Variants in LARGE1 observed in about 807,000 individuals in gnomAD.
LARGE1 encodes xylosyl- and glucuronyltransferase LARGE1.
LARGE1 carries 43 observed loss-of-function variants against 87.6 expected under a neutral mutation model. That is an observed-to-expected ratio of 0.49 (90% CI 0.38 to 0.63). The LOEUF is 0.63. LARGE1 is among the 30% of genes least tolerant of loss of function. LARGE1 has a pLI of 0.00. For missense variants in LARGE1, 802 were observed against 1,000.2 expected (o/e 0.80, Z 2.67); for synonymous variants, 434 against 394.6 (o/e 1.10, Z -1.18).
intron 6 of LARGE1, among the ~76,000 whole-genome samples, chr22:33,445,414 G>C (rs2067646175): frequency 6.6e-6 from 1 of 152,156 alleles, no homozygotes; most frequent in South Asian, 2.1e-4. Flanking sequence ...TAGCCAAAAA[G>C]GTTGCTGATG....
At chr22:33,464,803 A>G (rs1431844742) in intron 6 of LARGE1, among the ~76,000 whole-genome samples, 1 of 152,134 alleles carries the variant, frequency 6.6e-6, no homozygotes, top group Non-Finnish European at 1.5e-5. Flanking sequence ...GCAGTCACTA[A>G]TAAAGTTGAC....
At chr22:33,095,932 T>A in the LARGE1 span, among the ~76,000 whole-genome samples, 1 of 152,068 alleles carries the variant, frequency 6.6e-6, no homozygotes, top group South Asian at 2.1e-4. Context: ...TAGCAGTGAG[T>A]TTTGGAGTAC....
intron 1 of LARGE1, among the ~76,000 whole-genome samples, chr22:33,835,181 G>GTTCAAGGT (rs2063077085): frequency 6.6e-6 from 1 of 152,238 alleles, no homozygotes; most frequent in Non-Finnish European, 1.5e-5. Flanking sequence ...ATTATTACAT[G>GTTCAAGGT]TTCATAAGGG....
chr22:33,708,495 C>T (rs540876602), intron 2 of LARGE1, among the ~76,000 whole-genome samples: 54 of 152,240 alleles, frequency 3.5e-4, no homozygotes, highest in Non-Finnish European at 6.0e-4. Flanking sequence ...GTTGCTAGGG[C>T]GGCCCTAACA....
intron 12 of LARGE1, among the ~76,000 whole-genome samples, chr22:33,297,174 T>C (rs1933399911): frequency 6.6e-6 from 1 of 152,136 alleles, no homozygotes. Flanking sequence ...AACAAGTATT[T>C]ATAGAACAGC....
chr22:33,249,629 TA>T (rs1485345925), intron 11 of LARGE1, among the ~76,000 whole-genome samples: 1 of 152,196 alleles, frequency 6.6e-6, no homozygotes, highest in Non-Finnish European at 1.5e-5. Flanking sequence ...CAAGATCATC[TA>T]GGTTTTCTCC....
At chr22:33,289,512 T>C (rs1932151091) in intron 12 of LARGE1, among the ~76,000 whole-genome samples, 1 of 152,152 alleles carries the variant, frequency 6.6e-6, no homozygotes, top group Non-Finnish European at 1.5e-5. Context: ...TAGAATTAAC[T>C]CATTAACAAA....
intron 2 of LARGE1, among the ~76,000 whole-genome samples, chr22:33,699,675 A>AATAAATAAATAAATAAAATAT (rs2082350468): frequency 7.2e-5 from 11 of 152,244 alleles, no homozygotes; most frequent in African/African-American, 2.2e-4. Flanking sequence ...GTGTAGGCAT[A>AATAAATAAATAAATAAAATAT]GCAATAAAAT....
intron 3 of LARGE1, among the ~76,000 whole-genome samples, chr22:33,644,980 G>C: frequency 6.6e-6 from 1 of 152,166 alleles, no homozygotes. Context: ...TGGCCATACT[G>C]CCCGAAGTAA....
intron 4 of LARGE1, among the ~76,000 whole-genome samples, chr22:33,607,095 G>C (rs1045529559): frequency 2.0e-5 from 3 of 152,170 alleles, no homozygotes; most frequent in Non-Finnish European, 2.9e-5. Flanking sequence ...ATAGATGGGA[G>C]ATGAGGGGAA....
chr22:33,779,757 G>T (rs2085357849), intron 1 of LARGE1, among the ~76,000 whole-genome samples: 1 of 140,536 alleles, frequency 7.1e-6, no homozygotes, highest in African/African-American at 2.5e-5. Flanking sequence ...CTGCAGTCTG[G>T]CCTGGGCAAC....
intron 11 of LARGE1, among the ~76,000 whole-genome samples, chr22:33,235,395 T>C (rs1926202969): frequency 6.6e-6 from 1 of 152,208 alleles, no homozygotes; most frequent in Admixed American, 6.5e-5. Context: ...GCTGTCCATG[T>C]GAATGCTTGA....
At chr22:33,398,452 A>C (rs1163852822) in intron 7 of LARGE1, among the ~76,000 whole-genome samples, 1 of 152,196 alleles carries the variant, frequency 6.6e-6, no homozygotes, top group Non-Finnish European at 1.5e-5. Flanking sequence ...GTTTAAGCTC[A>C]TCTCAGCTTT....
At chr22:33,115,003 G>C in the LARGE1 span, among the ~76,000 whole-genome samples, 1 of 152,098 alleles carries the variant, frequency 6.6e-6, no homozygotes, top group African/African-American at 2.4e-5. Context: ...TCTATGTGAA[G>C]GGTCTTGGTG....
At chr22:33,534,033 G>A (rs868391110) in intron 6 of LARGE1, among the ~76,000 whole-genome samples, 2 of 151,582 alleles carry the variant, frequency 1.3e-5, no homozygotes, top group Admixed American at 1.3e-4. Context: ...TTCATAATGC[G>A]GATGAGTGAG....
chr22:33,442,511 G>T (rs57742722), intron 6 of LARGE1, among the ~76,000 whole-genome samples: 1 of 152,132 alleles, frequency 6.6e-6, no homozygotes, highest in African/African-American at 2.4e-5. Flanking sequence ...CTGAAAGGGG[G>T]TGGTCACCTA....
chr22:33,298,685 G>C (rs910425593), intron 12 of LARGE1, among the ~76,000 whole-genome samples: 34 of 152,182 alleles, frequency 2.2e-4, no homozygotes, highest in African/African-American at 7.9e-4. Context: ...TAAAAAATTA[G>C]CTGGGCAAGG....
the LARGE1 span, among the ~76,000 whole-genome samples, chr22:33,087,248 T>A: frequency 6.6e-6 from 1 of 151,866 alleles, no homozygotes; most frequent in Non-Finnish European, 1.5e-5. Context: ...TGTCCATATT[T>A]ATTTTTATAC....
At chr22:33,768,166 A>G (rs2084961359) in intron 1 of LARGE1, among the ~76,000 whole-genome samples, 1 of 152,102 alleles carries the variant, frequency 6.6e-6, no homozygotes, top group Admixed American at 6.6e-5. Context: ...AAACTTAGCC[A>G]GGCGTGGTGG....
Sources: allele counts gnomAD v4.1 joint callset (sites outside exome capture counted in the v4.1 genomes callset), GRCh38; gene constraint gnomAD v4.1.1; transcripts MANE v1.5; gene names NCBI Gene and HGNC (gene_info 2026-07-23, HGNC 2026-07-21).